Variants in RAD51B observed in about 807,000 individuals in gnomAD.
The protein encoded by RAD51B is DNA repair protein RAD51 homolog 2.
RAD51B carries 38 observed loss-of-function variants against 42.2 expected under a neutral mutation model. The ratio of observed to expected loss-of-function variants is 0.90; its 90% CI spans 0.70 to 1.18. The LOEUF (loss-of-function observed/expected upper bound fraction) is 1.18. Among genes scored for constraint, RAD51B ranks in the 50% most tolerant of loss-of-function variants. The pLI is 0.00. For synonymous variants in RAD51B, 154 were observed against 145.2 expected (o/e 1.06, Z -0.43); for missense variants, 373 against 400.7 (o/e 0.93, Z 0.59).
intron 7 of RAD51B, among the ~76,000 whole-genome samples, chr14:68,096,753 G>C (rs79822081): frequency 0.017 from 2,574 of 152,270 alleles, 65 homozygotes; most frequent in African/African-American, 0.057. Context: ...TGCCAGGAAG[G>C]CTAGAGCCAA....
chr14:67,946,617 C>T (rs1428686525), intron 7 of RAD51B, among the ~76,000 whole-genome samples: 1 of 152,218 alleles, frequency 6.6e-6, no homozygotes, highest in African/African-American at 2.4e-5. Flanking sequence ...CCACCCGCCT[C>T]GGCCTCCCAA....
chr14:67,864,986 TTTTTTTTTTTTTTTA>T lies in RAD51B; in HGVS notation c.316-16_316-2del, dbSNP rs2139990316. On this transcript the variant is annotated splice_acceptor_variant and splice_polypyrimidine_tract_variant and intron_variant, in intron 4 of 10. Coordinates refer to ENST00000471583, the MANE Select transcript of RAD51B (RefSeq NM_133510.4). LOFTEE classifies it high-confidence loss of function. ...CTTTTTTTTTTTTTTTTTTTTTTTT[TTTTTTTTTTTTTTTA>T]GATTACAGGTCCACCAGGTTGTGGA... 1 of 1,279,880 alleles carries T rather than the reference TTTTTTTTTTTTTTTA, an allele frequency of 7.8e-7. No homozygotes were observed. The highest frequency in any genetic ancestry group is 1.0e-6 in the Non-Finnish European group (1 of 1,002,524). The allele number at this position is 1,279,880 out of a possible 1,614,324, so 79.3% of individuals were successfully genotyped here. A position where few individuals can be genotyped will look rare whatever the true frequency, so the allele number is the denominator to read the frequency against.
intron 7 of RAD51B, among the ~76,000 whole-genome samples, chr14:68,285,479 G>A (rs115313106): frequency 6.6e-4 from 100 of 152,292 alleles, no homozygotes; most frequent in African/African-American, 2.4e-3. Flanking sequence ...TTAGTGCCAG[G>A]CGGGTTGGTG....
chr14:67,920,986 A>C (rs960910331), intron 7 of RAD51B, among the ~76,000 whole-genome samples: 1 of 152,202 alleles, frequency 6.6e-6, no homozygotes, highest in Non-Finnish European at 1.5e-5. Flanking sequence ...AGCATAGAGT[A>C]ATGGGGAAGA....
chr14:68,388,933 C>T (rs1566850167), intron 8 of RAD51B, among the ~76,000 whole-genome samples: 1 of 152,166 alleles, frequency 6.6e-6, no homozygotes, highest in Non-Finnish European at 1.5e-5. Flanking sequence ...ATTCACAAGT[C>T]GGGAGCCTTC....
At chr14:68,512,660 T>C (rs914029414) in intron 10 of RAD51B, among the ~76,000 whole-genome samples, 5 of 152,030 alleles carry the variant, frequency 3.3e-5, no homozygotes, top group African/African-American at 7.2e-5. Flanking sequence ...TGAGCACCCA[T>C]GTGGCAGCCT....
chr14:68,633,139 T>C (rs1482652284), intron 10 of RAD51B, among the ~76,000 whole-genome samples: 3 of 151,682 alleles, frequency 2.0e-5, no homozygotes, highest in African/African-American at 7.3e-5. Context: ...GGGCCTCTTT[T>C]TGAGGACACC....
At chr14:68,588,260 G>C (rs1890582406) in intron 10 of RAD51B, among the ~76,000 whole-genome samples, 1 of 152,156 alleles carries the variant, frequency 6.6e-6, no homozygotes, top group South Asian at 2.1e-4. Context: ...CTGATGTGAG[G>C]CTCGACCTGG....
At chr14:68,416,397 T>C (rs575265638) in intron 9 of RAD51B, among the ~76,000 whole-genome samples, 14 of 152,254 alleles carry the variant, frequency 9.2e-5, no homozygotes, top group African/African-American at 3.4e-4. Context: ...ATGAGCCCCT[T>C]GAGGTCTATA....
chr14:68,087,942 T>TTATTTATATAATTATATAATA, intron 7 of RAD51B, among the ~76,000 whole-genome samples: 1 of 76,620 alleles, frequency 1.3e-5, no homozygotes, highest in Non-Finnish European at 2.2e-5. Context: ...ATATAATTTA[T>TTATTTATATAATTATATAATA]TATTATATAT....
intron 10 of RAD51B, among the ~76,000 whole-genome samples, chr14:68,500,527 A>G (rs1884845505): frequency 6.6e-6 from 1 of 152,214 alleles, no homozygotes; most frequent in African/African-American, 2.4e-5. Context: ...TGATGTATGT[A>G]TTTTACTAGC....
chr14:68,644,289 T>C (rs1180053254), intron 10 of RAD51B, among the ~76,000 whole-genome samples: 1 of 152,100 alleles, frequency 6.6e-6, no homozygotes, highest in Non-Finnish European at 1.5e-5. Flanking sequence ...TGTAGGGCCA[T>C]GGTGTCTGCC....
intron 7 of RAD51B, among the ~76,000 whole-genome samples, chr14:68,026,779 C>T (rs2075963586): frequency 6.6e-6 from 1 of 151,922 alleles, no homozygotes; most frequent in Admixed American, 6.6e-5. Flanking sequence ...CGGTTGAGTC[C>T]TGTTTTTATA....
chr14:68,679,286 C>A (rs1381103405), intron 11 of RAD51B, among the ~76,000 whole-genome samples: 2 of 151,696 alleles, frequency 1.3e-5, no homozygotes, highest in African/African-American at 4.9e-5. Context: ...AACAAACAAA[C>A]AAAAAACCCC....
At chr14:68,607,535 CT>C (rs1159725453) in intron 10 of RAD51B, among the ~76,000 whole-genome samples, 1 of 152,210 alleles carries the variant, frequency 6.6e-6, no homozygotes. Flanking sequence ...CACGTCCGCC[CT>C]TTTCTGTTTA....
Position 68,565,238 on chromosome 14 carries a change from C to T in RAD51B, c.1037-29247C>T, listed in dbSNP as rs1482414672. Among the ~76,000 whole-genome samples the T allele has an allele frequency of 6.6e-6, 1 of 152,238 alleles. No homozygotes were observed. Among genetic ancestry groups the T allele is most frequent in the Non-Finnish European group, 1.5e-5 (1 of 68,044 alleles). Reference sequence around the variant, plus strand: ...CCTTTGAAGTCAGCAGCAACCGCAGCAGGCTCAGCTGTGAGGGTGTGGACA... The same window carrying T: ...CCTTTGAAGTCAGCAGCAACCGCAGTAGGCTCAGCTGTGAGGGTGTGGACA... On this transcript the variant is annotated intron_variant, in intron 10 of 10. Transcript: ENST00000487270. The surrounding 1 kb of genome is among the most constrained non-coding windows in gnomAD (Gnocchi z 4.1).
intron 10 of RAD51B, among the ~76,000 whole-genome samples, chr14:68,639,827 T>C (rs1237029211): frequency 6.6e-6 from 1 of 152,140 alleles, no homozygotes; most frequent in Non-Finnish European, 1.5e-5. Flanking sequence ...TCTCGCTTTG[T>C]TGTCCAGGCC....
rs139421583 is a variant in RAD51B, at chr14:67,997,382, T to C, written c.756+110178T>C. On this transcript the variant is annotated intron_variant, in intron 7 of 10. Transcript: ENST00000471583. ...GAGATAAGGGATGAAATCAAGAGTA[T>C]AGTATTCTGGAAGCCAAGTGAATGA... 3.9e-5 allele frequency among the ~76,000 whole-genome samples: 6 copies of C among 152,168 alleles called. No homozygotes were observed. The East Asian group carries it at 1.2e-3, about 29-fold the overall frequency.
chr14:68,501,104 C>G (rs1459388722), intron 10 of RAD51B, among the ~76,000 whole-genome samples: 1 of 152,120 alleles, frequency 6.6e-6, no homozygotes, highest in Non-Finnish European at 1.5e-5. Context: ...TCTCCCCTGC[C>G]CTCCCAGATT....
Sources: allele counts gnomAD v4.1 joint callset (sites outside exome capture counted in the v4.1 genomes callset), GRCh38; gene constraint gnomAD v4.1.1; non-coding constraint Gnocchi (gnomAD v3.1); transcripts MANE v1.5; gene names NCBI Gene and HGNC (gene_info 2026-07-23, HGNC 2026-07-21).